ATM: variants seen among roughly 807,000 people sequenced by gnomAD.
ATM encodes the protein serine-protein kinase ATM.
ATM carries 308 observed loss-of-function variants against 387.0 expected under a neutral mutation model. That is an observed-to-expected ratio of 0.80 (90% confidence interval 0.73 to 0.87). ATM has a LOEUF of 0.87. Among genes scored for constraint, ATM ranks in the 40% least tolerant of loss-of-function variants. ATM has a pLI of 0.00. For missense variants in ATM, 3,312 were observed against 3,560.9 expected, an observed-to-expected ratio of 0.93 and a Z score of 1.78; for synonymous variants, 1,156 against 1,187.3, an observed-to-expected ratio of 0.97 and a Z score of 0.54.
chr11:108,300,589 A>T (rs1243915563), intron 34 of ATM, among the ~76,000 whole-genome samples: 1 of 152,170 alleles, frequency 6.6e-6, no homozygotes, highest in Non-Finnish European at 1.5e-5. Flanking sequence ...CCTTCTCTTG[A>T]GGAATAAATG....
intron 38 of ATM, 74 bp downstream of exon 38, chr11:108,308,058 A>G: frequency 7.2e-7 from 1 of 1,389,070 alleles, no homozygotes. Context: ...GAATTTTAAC[A>G]TGATTATTTT....
rs1210038351 is a variant in ATM, at chr11:108,244,843, C to T, written c.718C>T (p.Leu240Phe). Residue 240 changes from leucine (L) to phenylalanine (F), a missense_variant, in exon 7 of 63, where the codon CTC becomes TTC. This residue lies in a region of ATM where 1,791 missense variants were observed against 1,804.5 expected (regional missense o/e 0.99). Transcript: ENST00000675843. ...NHILAALTIF[L>F]KTLAVNFRIR... ...TATCTTAGCAGCTCTTACTATCTTC[C>T]TCAAGACTTTGGCTGTCAACTTTCG... The T allele has an allele frequency of 2.5e-6, 4 of 1,613,748 alleles. No homozygotes were observed. The highest frequency in any genetic ancestry group is 3.3e-5 in the Admixed American group (2 of 59,990).
chr11:108,251,221 A>C, intron 10 of ATM, 149 bp downstream of exon 10: 1 of 1,203,984 alleles, frequency 8.3e-7, no homozygotes, highest in South Asian at 1.4e-5. Context: ...GGCCGAGAAG[A>C]CTTAATAAAT....
intron 1 of ATM, 119 bp from the exon 2 acceptor site, chr11:108,227,476 A>C: frequency 1.5e-6 from 1 of 651,454 alleles, no homozygotes; most frequent in Non-Finnish European, 2.7e-6. Flanking sequence ...TGTACAGTTA[A>C]ATCTAACTAT....
chr11:108,326,273 A>G (rs1313653655), intron 47 of ATM, 48 bp downstream of exon 47: 2 of 1,605,526 alleles, frequency 1.2e-6, no homozygotes, highest in Admixed American at 1.7e-5. Context: ...TTATTTAAAA[A>G]AACACAAATG....
rs1165011191 is a variant in ATM at position 108,323,811 on chromosome 11, T to C, written c.6573-1499T>C. On this transcript the variant is annotated intron_variant, in intron 45 of 62. Transcript: ENST00000675843. ...TTGGATGAACTGGTGCACAAATGCT[T>C]ATGCTCTCAGATTACATTCCATTCA... Among the ~76,000 whole-genome samples the C allele has an allele frequency of 2.6e-5, 4 of 152,174 alleles. No homozygotes were observed. The East Asian group carries it at 7.7e-4, about 29-fold the overall frequency.
At position 108,331,470 on chromosome 11, in the gene ATM, T is replaced by G. The variant is rs777925486; in HGVS notation, c.7542T>G (p.Tyr2514Ter). The part of the protein sequence containing the change: ...MKRDGMKIPT[Y>*]KFLPLMYQLA... ...GAGACGGAATGAAGATTCCAACATA[T>G]AAATTTTTGCCTCTTATGTACCAAT... The change falls in exon 51 of 63, where the codon TAT (tyrosine) becomes TAG (stop). Residue 2514 changes from tyrosine to a stop codon, truncating the protein, a stop_gained. Transcript: ENST00000675843. LOFTEE classifies it high-confidence loss of function. 2 of 1,613,490 alleles carry G rather than the reference T, an allele frequency of 1.2e-6. No individual in the cohort carries two copies. The highest frequency in any genetic ancestry group is 2.2e-5 in the East Asian group (1 of 44,782).
chr11:108,256,710 C>G (rs747642312), intron 14 of ATM, among the ~76,000 whole-genome samples: 2 of 152,068 alleles, frequency 1.3e-5, no homozygotes, highest in East Asian at 3.9e-4. Flanking sequence ...ATGTTCCCCT[C>G]CCTGTGTCCA....
intron 56 of ATM, among the ~76,000 whole-genome samples, chr11:108,340,573 ACTT>A (rs1355012848): frequency 6.6e-6 from 1 of 152,150 alleles, no homozygotes; most frequent in Non-Finnish European, 1.5e-5. Flanking sequence ...TTACCACCCT[ACTT>A]CTGCAGTCAC....
rs587782198 is a variant in ATM at position 108,310,305 on chromosome 11, CA to C, written c.5910del (p.Glu1971ArgfsTer19). The C allele has an allele frequency of 4.3e-6, 7 of 1,612,804 alleles. No individual in the cohort carries two copies. Among genetic ancestry groups the C allele is most frequent in the Non-Finnish European group, 5.9e-6 (7 of 1,179,390 alleles). ...IYADKKSMDDQEKRSLAFEEG... is the reference protein window; with the variant it reads ...IYADKKSMDDXEKRSLAFEEG... ...TGCAGATAAGAAAAGTATGGATGAT[CA>C]AGAGAAAAGGTAATGGAATTTAGAA... is the stretch of plus-strand genomic sequence containing the variant. On this transcript the variant is annotated frameshift_variant, in exon 39 of 63. Coordinates refer to ENST00000675843, the MANE Select transcript of ATM (RefSeq NM_000051.4). LOFTEE classifies it high-confidence loss of function.
intron 37 of ATM, among the ~76,000 whole-genome samples, chr11:108,307,181 G>T (rs559565020): frequency 4.8e-4 from 70 of 145,940 alleles, no homozygotes; most frequent in African/African-American, 1.7e-3. Flanking sequence ...ACAGAGTCTC[G>T]CTGTGTCACC....
At position 108,326,167 on chromosome 11, in the gene ATM, G is replaced by A. The variant is rs1591133976; in HGVS notation, c.6917G>A (p.Ser2306Asn). The A allele has an allele frequency of 6.2e-7, 1 of 1,614,126 alleles. No individual in the cohort carries two copies. The change falls in exon 47 of 63, where the codon AGT becomes AAT. Residue 2306 changes from serine to asparagine, a missense_variant. Around this residue, in one of 4 missense-constraint regions of ATM, gnomAD observed 1,405 missense variants for 1,604.4 expected, o/e 0.88. Transcript: ENST00000675843. Reference protein sequence around the residue: ...AQVFWAKKEQSLALSILKQMI... With the variant: ...AQVFWAKKEQNLALSILKQMI... ...GTATTCTGGGCAAAAAAGGAGCAGA[G>A]TCTTGCCCTGAGTATTCTCAAGCAA...
At chr11:108,356,024 C>A (rs2089875142) in intron 61 of ATM, 1 of 152,168 alleles carries the variant, frequency 6.6e-6, no homozygotes, top group Admixed American at 6.5e-5. Flanking sequence ...GTGCTATTCC[C>A]AAGGTTAAAA....
intron 16 of ATM, among the ~76,000 whole-genome samples, chr11:108,260,498 T>C (rs627418): frequency 0.62 from 94,596 of 152,070 alleles, 29,752 homozygotes; most frequent in Middle Eastern, 0.76. Context: ...AAAAGGAATG[T>C]GAATTTTACT....
Position 108,287,701 on chromosome 11 carries a change from CTG to C in ATM, c.4098_4099del (p.Cys1366Ter), listed in dbSNP as rs876658248. The C allele has an allele frequency of 2.5e-6, 4 of 1,612,468 alleles. No individual in the cohort carries two copies. Among genetic ancestry groups the C allele is most frequent in the Non-Finnish European group, 2.5e-6 (3 of 1,178,754 alleles). On this transcript the variant is annotated frameshift_variant, in exon 27 of 63. Coordinates refer to ENST00000675843, the MANE Select transcript of ATM (RefSeq NM_000051.4). LOFTEE classifies it high-confidence loss of function. Reference sequence around the variant, plus strand: ...CTAGTGCCAGTCAGAGCACTGACCTCTGTGACTTTTCAGGGTATGTACATTTT... The same window carrying C: ...CTAGTGCCAGTCAGAGCACTGACCTCTGACTTTTCAGGGTATGTACATTTT... ...NSSASQSTDL[C>X]DFSGDLDPAP...
chr11:108,235,917 T>C, intron 5 of ATM, 83 bp downstream of exon 5: 1 of 1,485,388 alleles, frequency 6.7e-7, no homozygotes, highest in Non-Finnish European at 9.4e-7. Context: ...TGTATCTGTC[T>C]ATATCCCCCA....
intron 56 of ATM, among the ~76,000 whole-genome samples, chr11:108,339,928 ATCAT>A (rs2087322230): frequency 6.6e-6 from 1 of 152,162 alleles, no homozygotes; most frequent in South Asian, 2.1e-4. Flanking sequence ...AGGCCATGAG[ATCAT>A]TCATTTGTTT....
At position 108,294,907 on chromosome 11, in the gene ATM, A is replaced by G. The variant is rs3218678; in HGVS notation, c.4777-20A>G. On this transcript the variant is annotated intron_variant, in intron 31 of 62. Coordinates refer to ENST00000675843, the MANE Select transcript of ATM (RefSeq NM_000051.4). ...GCTTAACCAATACGTGTTAAAAGCA[A>G]GTTACATTTTCTCTTTTAGGAAATT... 0.011 allele frequency: 18,357 copies of G among 1,613,092 alleles called. 1,545 individuals are homozygous for G. In the African/African-American group the frequency reaches 0.2, roughly 17 times the overall value.
At chr11:108,289,153 TA>T (rs755097361) in intron 28 of ATM, 50 bp downstream of exon 28, 5 of 1,542,940 alleles carry the variant, frequency 3.2e-6, no homozygotes, top group African/African-American at 2.7e-5. Context: ...CTTTTTTAGC[TA>T]AAAAAACTTT....
Sources: gnomAD v4.1 joint callset for allele counts (sites outside exome capture counted in the v4.1 genomes callset) on GRCh38, gnomAD v4.1.1 for gene constraint, gnomAD v4.1.1 regional missense constraint, MANE v1.5 for transcripts, NCBI Gene and HGNC (gene_info 2026-07-23, HGNC 2026-07-21) for gene names.